Variants in GALNT13 observed in about 807,000 individuals in gnomAD.
The protein encoded by GALNT13 is UDP-GalNAc:polypeptide N-acetylgalactosaminyltransferase 13.
In GALNT13, 28 loss-of-function variants were observed where a neutral mutation model predicts 64.2. The ratio of observed to expected loss-of-function variants is 0.44; its 90% confidence interval spans 0.32 to 0.60. The LOEUF (loss-of-function observed/expected upper bound fraction) is 0.60, where lower values mean the gene tolerates loss of function less well. GALNT13 is among the 20% of genes least tolerant of loss of function. GALNT13 has a pLI of 0.05. For synonymous variants in GALNT13, 214 were observed against 224.6 expected (o/e 0.95, Z 0.42); for missense variants, 577 against 669.8 (o/e 0.86, Z 1.53).
At chr2:153,618,846 C>A in the GALNT13 span, among the ~76,000 whole-genome samples, 430 of 151,824 alleles carry the variant, frequency 2.8e-3, 9 homozygotes, top group Admixed American at 0.023. Flanking sequence ...ACTTCTGCTC[C>A]TTTTTGGGTT....
At chr2:153,080,240 C>A in the GALNT13 span, among the ~76,000 whole-genome samples, 2 of 151,054 alleles carry the variant, frequency 1.3e-5, no homozygotes, top group African/African-American at 4.9e-5. Flanking sequence ...ACCCCTTTTT[C>A]TTTTTGGGGT....
chr2:153,720,550 T>A, the GALNT13 span, among the ~76,000 whole-genome samples: 4 of 149,130 alleles, frequency 2.7e-5, no homozygotes, highest in Non-Finnish European at 6.0e-5. Context: ...GGCAAAGAAG[T>A]TGAAAACTTT....
the GALNT13 span, among the ~76,000 whole-genome samples, chr2:153,111,180 A>T: frequency 1.3e-5 from 2 of 152,112 alleles, no homozygotes; most frequent in African/African-American, 4.8e-5. Flanking sequence ...ATTTAAAAGG[A>T]TCTATCTTTT....
At chr2:153,108,134 T>C in the GALNT13 span, among the ~76,000 whole-genome samples, 3 of 152,278 alleles carry the variant, frequency 2.0e-5, no homozygotes, top group East Asian at 5.8e-4. Flanking sequence ...TGCCTTGGCC[T>C]CCCAAAATTC....
chr2:153,986,578 T>C (rs1200369939), intron 3 of GALNT13, among the ~76,000 whole-genome samples: 1 of 151,970 alleles, frequency 6.6e-6, no homozygotes. Flanking sequence ...AGTTATTTTT[T>C]AATCCCCTGC....
chr2:153,974,878 T>A (rs535170048), intron 3 of GALNT13, among the ~76,000 whole-genome samples: 27 of 152,156 alleles, frequency 1.8e-4, no homozygotes, highest in Admixed American at 4.6e-4. Flanking sequence ...TCTCCCTATG[T>A]CTTTGTGATG....
At chr2:153,795,095 G>A in the GALNT13 span, among the ~76,000 whole-genome samples, 1 of 152,092 alleles carries the variant, frequency 6.6e-6, no homozygotes, top group Admixed American at 6.5e-5. Context: ...GGTTGTGAGT[G>A]CCCCAGATTT....
chr2:154,398,045 T>C (rs766351676), intron 10 of GALNT13, among the ~76,000 whole-genome samples: 15 of 152,356 alleles, frequency 9.8e-5, no homozygotes, highest in Middle Eastern at 3.4e-3. Context: ...AATAGAATAG[T>C]CTTTGCATGT....
intron 9 of GALNT13, among the ~76,000 whole-genome samples, chr2:154,393,163 AGTT>A (rs1698875841): frequency 6.6e-6 from 1 of 152,176 alleles, no homozygotes; most frequent in East Asian, 1.9e-4. Context: ...AAGAGGTTTG[AGTT>A]GCAGATAAGA....
chr2:154,259,580 G>A (rs10187639), intron 8 of GALNT13, among the ~76,000 whole-genome samples: 110,034 of 151,982 alleles, frequency 0.72, 40,265 homozygotes, highest in East Asian at 0.86. Flanking sequence ...TGCAAGTAGT[G>A]TGACCATTTT....
the GALNT13 span, among the ~76,000 whole-genome samples, chr2:153,357,013 T>A: frequency 9.9e-5 from 15 of 152,202 alleles, no homozygotes; most frequent in Non-Finnish European, 1.9e-4. Context: ...TTTCACCGTG[T>A]TAGCCAGGAT....
intron 4 of GALNT13, among the ~76,000 whole-genome samples, chr2:154,209,039 C>A (rs1687625741): frequency 6.6e-6 from 1 of 151,856 alleles, no homozygotes; most frequent in Non-Finnish European, 1.5e-5. Context: ...TTCTAAACTG[C>A]CCTAATTCCA....
At chr2:153,528,186 C>T in the GALNT13 span, among the ~76,000 whole-genome samples, 2 of 151,610 alleles carry the variant, frequency 1.3e-5, no homozygotes, top group Non-Finnish European at 2.9e-5. Flanking sequence ...AAGAAACACA[C>T]CTCATCTATA....
chr2:153,912,423 TC>T (rs1689010440), intron 2 of GALNT13, among the ~76,000 whole-genome samples: 1 of 152,196 alleles, frequency 6.6e-6, no homozygotes, highest in Non-Finnish European at 1.5e-5. Context: ...CCATCTGACC[TC>T]AGTTAACAAC....
chr2:153,840,204 G>A, the GALNT13 span, among the ~76,000 whole-genome samples: 16 of 152,084 alleles, frequency 1.1e-4, no homozygotes, highest in African/African-American at 3.9e-4. Context: ...TTTGGCAATA[G>A]CATGTAATTG....
chr2:154,389,031 A>C (rs1277452544), intron 9 of GALNT13, among the ~76,000 whole-genome samples: 10 of 152,216 alleles, frequency 6.6e-5, no homozygotes, highest in Non-Finnish European at 1.5e-5. Context: ...ATTTTTCCAT[A>C]TTCTTACATA....
chr2:154,209,033 A>G (rs1052511596), intron 4 of GALNT13, among the ~76,000 whole-genome samples: 1 of 152,114 alleles, frequency 6.6e-6, no homozygotes, highest in Admixed American at 6.6e-5. Context: ...CATCCCTTCT[A>G]AACTGCCCTA....
At chr2:153,817,612 G>T in the GALNT13 span, among the ~76,000 whole-genome samples, 1 of 152,134 alleles carries the variant, frequency 6.6e-6, no homozygotes, top group Non-Finnish European at 1.5e-5. Context: ...TACTGTTTTT[G>T]GAGGTGGACT....
At chr2:153,253,782 C>T in the GALNT13 span, among the ~76,000 whole-genome samples, 5,172 of 150,496 alleles carry the variant, frequency 0.034, 297 homozygotes, top group African/African-American at 0.12. Context: ...TATTGATTTG[C>T]GTATATTGAA....
Sources: allele counts gnomAD v4.1 joint callset (sites outside exome capture counted in the v4.1 genomes callset), GRCh38; gene constraint gnomAD v4.1.1; transcripts MANE v1.5; gene names NCBI Gene and HGNC (gene_info 2026-07-23, HGNC 2026-07-21).